The following PTPRT variants were observed in gnomAD, a reference collection of about 807,000 sequenced individuals.
The protein encoded by PTPRT is protein tyrosine phosphatase receptor type T.
In PTPRT, 56 loss-of-function variants were observed where a neutral mutation model predicts 176.8. The ratio of observed to expected loss-of-function variants is 0.32; its 90% CI spans 0.26 to 0.40. The LOEUF (loss-of-function observed/expected upper bound fraction) is 0.40, where lower values mean the gene tolerates loss of function less well. Ranked by LOEUF, PTPRT falls within the 10% of genes least tolerant of loss-of-function variation. The pLI is 1.00. For missense variants in PTPRT, 1,540 were observed against 1,908.2 expected (o/e 0.81, Z 3.60); for synonymous variants, 783 against 739.0 (o/e 1.06, Z -0.96).
At chr20:43,054,513 C>T (rs1330369081) in intron 1 of PTPRT, among the ~76,000 whole-genome samples, 2 of 150,188 alleles carry the variant, frequency 1.3e-5, no homozygotes. Flanking sequence ...AAGATTGTAC[C>T]ACTATACTTC....
At chr20:42,300,605 A>C (rs1480434734) in intron 12 of PTPRT, among the ~76,000 whole-genome samples, 2 of 151,966 alleles carry the variant, frequency 1.3e-5, no homozygotes, top group African/African-American at 2.4e-5. Context: ...TGAATAAAAG[A>C]AGAATCTATA....
intron 7 of PTPRT, among the ~76,000 whole-genome samples, chr20:42,477,311 C>T (rs2071307299): frequency 6.6e-6 from 1 of 152,180 alleles, no homozygotes; most frequent in Non-Finnish European, 1.5e-5. Context: ...GGGAACTGAG[C>T]TCAGACTCTC....
At chr20:42,184,595 C>CTTCTTCTTCTTCTTCTTCTTCTTCT (rs1990684333) in intron 16 of PTPRT, among the ~76,000 whole-genome samples, 16 of 29,438 alleles carry the variant, frequency 5.4e-4, no homozygotes, top group East Asian at 5.0e-3. Flanking sequence ...CTTCTTCTTC[C>CTTCTTCTTCTTCTTCTTCTTCTTCT]TCTTCTTCTT....
the PTPRT span, among the ~76,000 whole-genome samples, chr20:42,051,037 G>A: frequency 6.6e-6 from 1 of 152,248 alleles, no homozygotes; most frequent in African/African-American, 2.4e-5. Context: ...TGCTGTAAAT[G>A]TATTACCCAG....
At chr20:43,051,164 G>A in intron 1 of PTPRT, among the ~76,000 whole-genome samples, 1 of 151,844 alleles carries the variant, frequency 6.6e-6, no homozygotes, top group African/African-American at 2.4e-5. Context: ...TTGAGTTCTT[G>A]GATCAAGCTA....
chr20:42,992,159 G>A (rs775858628), intron 1 of PTPRT, among the ~76,000 whole-genome samples: 22 of 152,216 alleles, frequency 1.4e-4, no homozygotes, highest in East Asian at 1.2e-3. Flanking sequence ...GTCATAGTTC[G>A]CTATCCCCTA....
At chr20:42,388,603 G>A (rs1178891671) in intron 9 of PTPRT, among the ~76,000 whole-genome samples, 7 of 152,276 alleles carry the variant, frequency 4.6e-5, no homozygotes, top group East Asian at 1.9e-4. Flanking sequence ...TTAGAATGGC[G>A]ATTATTAAAA....
intron 12 of PTPRT, among the ~76,000 whole-genome samples, chr20:42,290,929 G>T (rs928182288): frequency 2.0e-5 from 3 of 152,050 alleles, no homozygotes; most frequent in Non-Finnish European, 4.4e-5. Context: ...GAAGCCCTAG[G>T]TACCTGGCTA....
chr20:42,882,870 A>T (rs2079029788), intron 2 of PTPRT, among the ~76,000 whole-genome samples: 1 of 152,232 alleles, frequency 6.6e-6, no homozygotes, highest in South Asian at 2.1e-4. Flanking sequence ...CCAGACTGAG[A>T]TATGAAGAGG....
At chr20:42,046,797 C>G in the PTPRT span, among the ~76,000 whole-genome samples, 9 of 78,322 alleles carry the variant, frequency 1.1e-4, no homozygotes, top group Admixed American at 2.6e-4. Context: ...GTGTGTGTGT[C>G]TGTGTCTGTG....
intron 13 of PTPRT, among the ~76,000 whole-genome samples, chr20:42,275,320 C>T (rs1234297702): frequency 6.6e-6 from 1 of 152,186 alleles, no homozygotes; most frequent in African/African-American, 2.4e-5. Context: ...AAATGTGTTC[C>T]TTCCCGGACT....
intron 27 of PTPRT, among the ~76,000 whole-genome samples, chr20:42,086,753 A>AAAAATATATATATATATATATATAT (rs1983991312): frequency 1.0e-5 from 1 of 95,534 alleles, no homozygotes; most frequent in African/African-American, 4.9e-5. Context: ...AAAAAAAAAA[A>AAAAATATATATATATATATATATAT]ATATATATAT....
chr20:43,079,092 G>A (rs1013518793), intron 1 of PTPRT, among the ~76,000 whole-genome samples: 1 of 151,816 alleles, frequency 6.6e-6, no homozygotes, highest in South Asian at 2.1e-4. Flanking sequence ...TTTTAAGCAC[G>A]ACCACCACCT....
chr20:42,136,232 CTTTTTTTTTTTT>C (rs397864699), intron 18 of PTPRT, among the ~76,000 whole-genome samples: 8 of 63,036 alleles, frequency 1.3e-4, no homozygotes, highest in Admixed American at 2.5e-4. Context: ...AAGAACAGTG[CTTTTTTTTTTTT>C]TTTTTTTTTT....
In PTPRT at chr20:43,056,577, T is replaced by G. The variant is rs185873380; in HGVS notation, c.88+133069A>C. 1.8e-3 allele frequency among the ~76,000 whole-genome samples: 272 copies of G among 152,286 alleles called. 2 individuals carry two copies. Among genetic ancestry groups the G allele is most frequent in the South Asian group, 0.011 (51 of 4,814 alleles). Reference sequence around the variant, plus strand: ...TGTTGCTGAAGCAAGATATAAAATTTTATTGCGTGAATCTATTAAAATTTT... The same window carrying G: ...TGTTGCTGAAGCAAGATATAAAATTGTATTGCGTGAATCTATTAAAATTTT... On this transcript the variant is annotated intron_variant, in intron 1 of 30. Transcript: ENST00000373187.
In PTPRT at chr20:42,404,972, T is replaced by TTTTATATATATA. The variant is rs960312629; in HGVS notation, c.1560+43247_1560+43248insTATATATATAAA. The stretch of plus-strand genomic sequence containing the variant: ...AGCATGTGAATAGAGGGCCAATTAA[T>TTTTATATATATA]TATATATATATATATACACACACAC... On this transcript the variant is annotated intron_variant, in intron 9 of 30. Coordinates refer to ENST00000373187, the MANE Select transcript of PTPRT (RefSeq NM_007050.6). 8.8e-3 allele frequency among the ~76,000 whole-genome samples: 689 copies of TTTTATATATATA among 77,952 alleles called. 15 individuals carry two copies. Among genetic ancestry groups the TTTTATATATATA allele is most frequent in the Non-Finnish European group, 0.012 (429 of 36,924 alleles). The allele number at this position is 77,952 out of a possible 152,430, so 51.1% of individuals were successfully genotyped here. A position where few individuals can be genotyped will look rare whatever the true frequency, so the allele number is the denominator to read the frequency against.
chr20:42,559,440 T>C (rs1411581653), intron 7 of PTPRT, among the ~76,000 whole-genome samples: 1 of 152,206 alleles, frequency 6.6e-6, no homozygotes, highest in Non-Finnish European at 1.5e-5. Context: ...ACCTGTTTTC[T>C]TGTCTCTATG....
intron 15 of PTPRT, 72 bp downstream of exon 15, chr20:42,236,157 T>C: frequency 7.7e-7 from 1 of 1,298,666 alleles, no homozygotes; most frequent in Non-Finnish European, 1.1e-6. Context: ...GACACTTGGT[T>C]GGTGCAGGAA....
intron 9 of PTPRT, among the ~76,000 whole-genome samples, chr20:42,445,871 G>A (rs2070724591): frequency 6.6e-6 from 1 of 152,112 alleles, no homozygotes; most frequent in Non-Finnish European, 1.5e-5. Context: ...TTGTGCATGG[G>A]GCTTCAGAGA....
Sources: gnomAD v4.1 joint callset for allele counts (sites outside exome capture counted in the v4.1 genomes callset) on GRCh38, gnomAD v4.1.1 for gene constraint, MANE v1.5 for transcripts, NCBI Gene and HGNC (gene_info 2026-07-23, HGNC 2026-07-21) for gene names.